Variants in STAG1 observed in about 807,000 individuals in gnomAD.
The protein encoded by STAG1 is cohesin subunit SA-1.
STAG1 carries 26 observed loss-of-function variants against 170.9 expected under a neutral mutation model. The observed-to-expected ratio is 0.15, with a 90% CI of 0.11 to 0.21. STAG1 has a LOEUF of 0.21. Ranked by LOEUF, STAG1 falls within the 10% of genes least tolerant of loss-of-function variation. STAG1 has a pLI of 1.00. For missense variants in STAG1, 964 were observed against 1,509.5 expected, an observed-to-expected ratio of 0.64 and a Z score of 5.99; for synonymous variants, 514 against 497.7, an observed-to-expected ratio of 1.03 and a Z score of -0.44.
At chr3:136,664,186 G>T (rs1253950199) in intron 1 of STAG1, among the ~76,000 whole-genome samples, 1 of 152,132 alleles carries the variant, frequency 6.6e-6, no homozygotes, top group African/African-American at 2.4e-5. Flanking sequence ...GATCTGGAAT[G>T]CATATAACAG....
At chr3:136,701,045 C>A in intron 1 of STAG1, among the ~76,000 whole-genome samples, 1 of 151,486 alleles carries the variant, frequency 6.6e-6, no homozygotes, top group African/African-American at 2.4e-5. Flanking sequence ...CCACACTTGG[C>A]TAATTTTTGT....
At chr3:136,405,791 C>CAAAAAAAAAAAAAAAAAAAAAA (rs34952291) in intron 21 of STAG1, among the ~76,000 whole-genome samples, 1 of 50,082 alleles carries the variant, frequency 2.0e-5, no homozygotes, top group Admixed American at 3.7e-4. Context: ...ACTCTATCTC[C>CAAAAAAAAAAAAAAAAAAAAAA]AAAAAAAAAA....
chr3:136,660,146 C>T (rs961267928), intron 1 of STAG1, among the ~76,000 whole-genome samples: 3 of 152,206 alleles, frequency 2.0e-5, no homozygotes, highest in Admixed American at 6.5e-5. Flanking sequence ...AGACATTCTA[C>T]TATTTTCAGG....
At chr3:136,567,835 T>C (rs368862737) in intron 5 of STAG1, among the ~76,000 whole-genome samples, 13 of 152,306 alleles carry the variant, frequency 8.5e-5, no homozygotes, top group Admixed American at 5.9e-4. Flanking sequence ...TACTAAACAG[T>C]CATTAAATAG....
rs571200803 is a variant in STAG1 at position 136,733,934 on chromosome 3, T to C, written c.-84+18261A>G. On this transcript the variant is annotated intron_variant, in intron 1 of 33. Transcript: ENST00000383202. Reference sequence around the variant, plus strand: ...CATCCTGGCTAACACGGTGAAACCCTGTCTCTACTAAAAATACAAAAAATT... The same window carrying C: ...CATCCTGGCTAACACGGTGAAACCCCGTCTCTACTAAAAATACAAAAAATT... 2.7e-3 allele frequency among the ~76,000 whole-genome samples: 416 copies of C among 152,034 alleles called. 1 individual carries two copies. The highest frequency in any genetic ancestry group is 7.1e-3 in the African/African-American group (293 of 41,500).
chr3:136,489,772 G>C (rs1002217932), intron 9 of STAG1, among the ~76,000 whole-genome samples: 8 of 152,134 alleles, frequency 5.3e-5, no homozygotes, highest in African/African-American at 1.9e-4. Flanking sequence ...ATTAGACTAA[G>C]AACTTGAGAA....
chr3:136,702,123 C>CAGAGAG (rs1408345782), intron 1 of STAG1, among the ~76,000 whole-genome samples: 1 of 55,672 alleles, frequency 1.8e-5, no homozygotes, highest in African/African-American at 6.5e-5. Context: ...GAGAGAGAGA[C>CAGAGAG]AGAGAGACAG....
At chr3:136,368,567 A>ATG (rs1937169299) in intron 24 of STAG1, among the ~76,000 whole-genome samples, 1 of 152,192 alleles carries the variant, frequency 6.6e-6, no homozygotes, top group Non-Finnish European at 1.5e-5. Context: ...ACATTTGTAC[A>ATG]TGTGGCAAAT....
chr3:136,672,093 C>T (rs999136456), intron 1 of STAG1, among the ~76,000 whole-genome samples: 8 of 152,166 alleles, frequency 5.3e-5, no homozygotes, highest in Non-Finnish European at 1.2e-4. Context: ...TTTTTCTTTT[C>T]CTTGGTTACT....
chr3:136,748,824 G>A (rs1019613719), intron 1 of STAG1, among the ~76,000 whole-genome samples: 8 of 151,868 alleles, frequency 5.3e-5, no homozygotes, highest in South Asian at 2.1e-4. Flanking sequence ...TTAAATTTTC[G>A]TTTTTATTTT....
At position 136,337,189 on chromosome 3, in the gene STAG1, C is replaced by A. The variant is rs1935714575; in HGVS notation, c.*1065G>T. 1 of 152,620 alleles carries A rather than the reference C, an allele frequency of 6.6e-6. No homozygotes were observed. Among genetic ancestry groups the A allele is most frequent in the Non-Finnish European group, 1.5e-5 (1 of 68,028 alleles). The allele number at this position is 152,620 out of a possible 1,614,324, so 9.5% of individuals were successfully genotyped here. A position where few individuals can be genotyped will look rare whatever the true frequency, so the allele number is the denominator to read the frequency against. ...TCTATGCAGCACATACTTCTATAATCAGTAAACTTAATTCACAAAATTAGC... is the reference window on the plus strand; with the variant it reads ...TCTATGCAGCACATACTTCTATAATAAGTAAACTTAATTCACAAAATTAGC... On this transcript the variant is annotated 3_prime_UTR_variant, in exon 34 of 34. Coordinates refer to ENST00000383202, the MANE Select transcript of STAG1 (RefSeq NM_005862.3).
intron 7 of STAG1, among the ~76,000 whole-genome samples, chr3:136,516,047 C>T (rs1221322519): frequency 1.3e-5 from 2 of 151,920 alleles, no homozygotes; most frequent in Non-Finnish European, 2.9e-5. Flanking sequence ...AATGTAAATA[C>T]AAAAAGGAAG....
At chr3:136,618,901 A>G (rs1200101880) in intron 3 of STAG1, among the ~76,000 whole-genome samples, 1 of 152,140 alleles carries the variant, frequency 6.6e-6, no homozygotes, top group East Asian at 1.9e-4. Context: ...ATTCTACAAA[A>G]CAATACTGAA....
At chr3:136,414,984 C>A (rs1266373281) in intron 21 of STAG1, among the ~76,000 whole-genome samples, 3 of 152,088 alleles carry the variant, frequency 2.0e-5, no homozygotes, top group Non-Finnish European at 2.9e-5. Context: ...TGGATTAGGT[C>A]CACCATCTTA....
intron 14 of STAG1, among the ~76,000 whole-genome samples, chr3:136,448,800 G>A (rs545039575): frequency 1.8e-4 from 28 of 152,212 alleles, no homozygotes; most frequent in Non-Finnish European, 7.4e-5. Context: ...TTAGCCAGGC[G>A]TGGTGGCGCA....
intron 13 of STAG1, among the ~76,000 whole-genome samples, chr3:136,453,386 T>C (rs915641350): frequency 6.6e-6 from 1 of 152,002 alleles, no homozygotes; most frequent in East Asian, 1.9e-4. Context: ...AGTCAGGAGA[T>C]TGAGACCATC....
At chr3:136,518,876 G>A (rs1278081048) in intron 7 of STAG1, among the ~76,000 whole-genome samples, 1 of 152,178 alleles carries the variant, frequency 6.6e-6, no homozygotes, top group South Asian at 2.1e-4. Flanking sequence ...TATGATGAAC[G>A]CAGGTAGACC....
Position 136,620,476 on chromosome 3 carries a change from C to G in STAG1, c.132+2670G>C, listed in dbSNP as rs73863635. 4.0e-3 allele frequency among the ~76,000 whole-genome samples: 607 copies of G among 152,294 alleles called. 7 individuals are homozygous for G. Among genetic ancestry groups the G allele is most frequent in the African/African-American group, 0.014 (588 of 41,566 alleles). ...TGGGAGTTATCATATAAATTCAAATCCTAGCTTTCCCATTTACTTGCTGTG... is the reference window on the plus strand; with the variant it reads ...TGGGAGTTATCATATAAATTCAAATGCTAGCTTTCCCATTTACTTGCTGTG... On this transcript the variant is annotated intron_variant, in intron 3 of 33. Coordinates refer to ENST00000383202, the MANE Select transcript of STAG1 (RefSeq NM_005862.3).
intron 1 of STAG1, among the ~76,000 whole-genome samples, chr3:136,638,226 C>T (rs561867267): frequency 1.3e-5 from 2 of 152,028 alleles, no homozygotes; most frequent in South Asian, 4.2e-4. Context: ...CTCCGCCTCC[C>T]AGATTCAAGC....
Sources: allele counts gnomAD v4.1 joint callset (sites outside exome capture counted in the v4.1 genomes callset), GRCh38; gene constraint gnomAD v4.1.1; transcripts MANE v1.5; gene names NCBI Gene and HGNC (gene_info 2026-07-23, HGNC 2026-07-21).